The following ITPR2 variants were observed in gnomAD, a reference collection of about 807,000 sequenced individuals.
The protein encoded by ITPR2 is inositol 1,4,5-trisphosphate receptor type 2.
A neutral mutation model predicts 317.1 loss-of-function variants in ITPR2; 207 were observed. The observed-to-expected ratio is 0.65, with a 90% CI of 0.58 to 0.73. The LOEUF is 0.73. Ranked by LOEUF, ITPR2 falls within the 30% of genes least tolerant of loss-of-function variation. The pLI is 0.00. For missense variants in ITPR2, 2,613 were observed against 3,284.0 expected, an observed-to-expected ratio of 0.80 and a Z score of 4.99; for synonymous variants, 1,156 against 1,149.1, an observed-to-expected ratio of 1.01 and a Z score of -0.12.
At chr12:26,551,653 G>C (rs1404431994) in intron 36 of ITPR2, among the ~76,000 whole-genome samples, 1 of 152,174 alleles carries the variant, frequency 6.6e-6, no homozygotes, top group Non-Finnish European at 1.5e-5. Flanking sequence ...AATTACCTAG[G>C]GCTGATCAGA....
chr12:26,822,461 CTATATTAAGAACTATTAAAATAGTTCT>C (rs1950951351), intron 1 of ITPR2, among the ~76,000 whole-genome samples: 1 of 152,006 alleles, frequency 6.6e-6, no homozygotes, highest in African/African-American at 2.4e-5. Context: ...TATGTGTGTG[CTATATTAAGAACTATTAAAATAGTTCT>C]TAATAGTTCA....
At chr12:26,474,046 G>A (rs1489230668) in intron 45 of ITPR2, among the ~76,000 whole-genome samples, 2 of 152,126 alleles carry the variant, frequency 1.3e-5, no homozygotes, top group African/African-American at 2.4e-5. Context: ...GTATCTTTTA[G>A]AATCTGACTC....
At chr12:26,382,972 C>T (rs1210021805) in intron 55 of ITPR2, among the ~76,000 whole-genome samples, 1 of 152,112 alleles carries the variant, frequency 6.6e-6, no homozygotes, top group African/African-American at 2.4e-5. Flanking sequence ...TCCTCCAAAC[C>T]TCATGTTGAA....
intron 51 of ITPR2, among the ~76,000 whole-genome samples, chr12:26,412,531 C>T (rs566648409): frequency 6.6e-6 from 1 of 152,100 alleles, no homozygotes; most frequent in East Asian, 1.9e-4. Flanking sequence ...CCCCCCAGGC[C>T]CAGAGCTGAG....
Position 26,603,601 on chromosome 12 carries a change from G to T in ITPR2, c.3463-895C>A, listed in dbSNP as rs531948080. Among the ~76,000 whole-genome samples the T allele has an allele frequency of 1.1e-4, 17 of 152,284 alleles. 1 individual carries two copies. Among genetic ancestry groups the T allele is most frequent in the Middle Eastern group, 3.4e-3 (1 of 294 alleles). On this transcript the variant is annotated intron_variant, in intron 26 of 56. Transcript: ENST00000381340. ...AAACAGGGAGAAATATATCAATAAA[G>T]ATTTGAACTGGGCAGAATTCACTAT...
chr12:26,349,162 CA>C (rs944998086), intron 55 of ITPR2, among the ~76,000 whole-genome samples: 2 of 152,122 alleles, frequency 1.3e-5, no homozygotes, highest in African/African-American at 2.4e-5. Context: ...ACAACAACAA[CA>C]AAAACTATTC....
At chr12:26,446,139 G>A (rs1941605326) in intron 45 of ITPR2, among the ~76,000 whole-genome samples, 1 of 152,088 alleles carries the variant, frequency 6.6e-6, no homozygotes, top group Non-Finnish European at 1.5e-5. Context: ...GAGAGGAGGT[G>A]TTGGATAACT....
chr12:26,663,797 G>C lies in ITPR2; in HGVS notation c.1601C>G (p.Ser534Trp). 1 of 1,613,814 alleles carries C rather than the reference G, an allele frequency of 6.2e-7. No homozygotes were observed. Among genetic ancestry groups the C allele is most frequent in the Non-Finnish European group, 8.5e-7 (1 of 1,179,912 alleles). ...APFKEKAGEGSMLRLEDLGDQ... is the reference protein window; with the variant it reads ...APFKEKAGEGWMLRLEDLGDQ... ...CCCCAGATCTTCAAGTCTCAGCATC[G>C]AGCCTTCTCCTGCTTTCTCTTTAAA... The change falls in exon 15 of 57, where the codon TCG (serine) becomes TGG (tryptophan). Residue 534 changes from serine (S) to tryptophan (W), a missense_variant. By Grantham distance (177) the Ser-to-Trp change is radical. Around this residue, in one of 9 missense-constraint regions of ITPR2, gnomAD observed 515 missense variants for 789.4 expected, o/e 0.65. Coordinates refer to ENST00000381340, the MANE Select transcript of ITPR2 (RefSeq NM_002223.4).
chr12:26,490,422 C>T (rs12423501), intron 39 of ITPR2, among the ~76,000 whole-genome samples: 13,694 of 152,262 alleles, frequency 0.09, 1,366 homozygotes, highest in East Asian at 0.47. Flanking sequence ...TTGGTCCAGA[C>T]ACAAGGGGTA....
intron 55 of ITPR2, among the ~76,000 whole-genome samples, chr12:26,369,240 A>G (rs1024863153): frequency 6.6e-6 from 1 of 152,174 alleles, no homozygotes; most frequent in African/African-American, 2.4e-5. Flanking sequence ...AAGCCAGTGG[A>G]AGGTTTGGAG....
At chr12:26,688,572 A>G (rs1948174626) in intron 10 of ITPR2, among the ~76,000 whole-genome samples, 4 of 152,138 alleles carry the variant, frequency 2.6e-5, no homozygotes, top group Admixed American at 2.6e-4. Flanking sequence ...AAAAGAGGGA[A>G]AGAAGGAAGG....
At chr12:26,701,335 G>T (rs1431314396) in intron 9 of ITPR2, among the ~76,000 whole-genome samples, 1 of 152,024 alleles carries the variant, frequency 6.6e-6, no homozygotes, top group Non-Finnish European at 1.5e-5. Flanking sequence ...AATGTGTTTT[G>T]ATCAATTTTT....
intron 37 of ITPR2, among the ~76,000 whole-genome samples, chr12:26,503,553 C>T (rs183177265): frequency 3.3e-5 from 5 of 152,182 alleles, no homozygotes; most frequent in Admixed American, 6.5e-5. Flanking sequence ...TGACAATGCA[C>T]GTTAGTGGAC....
chr12:26,410,136 A>G (rs1042819098), intron 52 of ITPR2, among the ~76,000 whole-genome samples: 1 of 152,212 alleles, frequency 6.6e-6, no homozygotes, highest in Non-Finnish European at 1.5e-5. Flanking sequence ...GTATGTGAGG[A>G]AAGCTGAAGA....
chr12:26,471,852 CTG>C (rs1942297670), intron 45 of ITPR2, among the ~76,000 whole-genome samples: 2 of 152,222 alleles, frequency 1.3e-5, no homozygotes, highest in African/African-American at 4.8e-5. Flanking sequence ...ACAGTGGAAA[CTG>C]GACTCTACCA....
intron 32 of ITPR2, among the ~76,000 whole-genome samples, chr12:26,586,413 C>G (rs896127941): frequency 6.6e-6 from 1 of 152,154 alleles, no homozygotes; most frequent in Non-Finnish European, 1.5e-5. Context: ...ACTGGGTTTA[C>G]AAGTGTGAGG....
At chr12:26,533,003 T>C (rs909303293) in intron 37 of ITPR2, among the ~76,000 whole-genome samples, 1 of 152,132 alleles carries the variant, frequency 6.6e-6, no homozygotes, top group Non-Finnish European at 1.5e-5. Context: ...ATTCTTTAAT[T>C]TAATTTGTAG....
chr12:26,702,154 T>C (rs946558172), intron 9 of ITPR2, among the ~76,000 whole-genome samples: 1 of 152,160 alleles, frequency 6.6e-6, no homozygotes, highest in Non-Finnish European at 1.5e-5. Context: ...AAAATATCTA[T>C]GACAAAGTGT....
intron 37 of ITPR2, among the ~76,000 whole-genome samples, chr12:26,524,491 T>C (rs1943755833): frequency 6.6e-6 from 1 of 152,146 alleles, no homozygotes. Context: ...CCTTGCCTTA[T>C]TATTATTACA....
Sources: gnomAD v4.1 joint callset for allele counts (sites outside exome capture counted in the v4.1 genomes callset) on GRCh38, gnomAD v4.1.1 for gene constraint, gnomAD v4.1.1 regional missense constraint, MANE v1.5 for transcripts, NCBI Gene and HGNC (gene_info 2026-07-23, HGNC 2026-07-21) for gene names.